CFAP70: variants seen among roughly 807,000 people sequenced by gnomAD.
CFAP70 encodes the protein cilia and flagella associated protein 70, also known as cilia- and flagella-associated protein 70.
Under a neutral mutation model 137.6 loss-of-function variants are expected in CFAP70, and 81 were observed. That is an observed-to-expected ratio of 0.59 (90% CI 0.49 to 0.71). The LOEUF (loss-of-function observed/expected upper bound fraction) is 0.71. Among genes scored for constraint, CFAP70 ranks in the 30% least tolerant of loss-of-function variants. The pLI is 0.00. For missense variants in CFAP70, 976 were observed against 1,226.7 expected (o/e 0.80, Z 3.05); for synonymous variants, 382 against 423.6 (o/e 0.90, Z 1.20).
chr10:73,318,327 T>C (rs528415949), intron 9 of CFAP70, among the ~76,000 whole-genome samples: 5 of 152,328 alleles, frequency 3.3e-5, no homozygotes, highest in Admixed American at 3.3e-4. Context: ...GCCAGAGATA[T>C]TTCCTTTCCA....
chr10:73,357,337 A>C (rs547039089), intron 1 of CFAP70, among the ~76,000 whole-genome samples: 8 of 152,214 alleles, frequency 5.3e-5, no homozygotes, highest in Non-Finnish European at 1.0e-4. Context: ...GCTGGATTTG[A>C]GAATACATAT....
chr10:73,337,371 C>T (rs2052771897), intron 6 of CFAP70, among the ~76,000 whole-genome samples: 1 of 152,026 alleles, frequency 6.6e-6, no homozygotes, highest in African/African-American at 2.4e-5. Flanking sequence ...GTAATCTCAG[C>T]TATTCAGGTG....
intron 19 of CFAP70, among the ~76,000 whole-genome samples, chr10:73,288,628 G>A (rs1056972425): frequency 6.6e-6 from 1 of 152,130 alleles, no homozygotes; most frequent in Non-Finnish European, 1.5e-5. Flanking sequence ...CTGACCCCTT[G>A]GTAGGACAGT....
intron 25 of CFAP70, among the ~76,000 whole-genome samples, chr10:73,262,066 T>C (rs2045305263): frequency 7.0e-6 from 1 of 143,428 alleles, no homozygotes; most frequent in African/African-American, 2.6e-5. Context: ...TATATGTATA[T>C]ATGTATATAT....
intron 25 of CFAP70, among the ~76,000 whole-genome samples, chr10:73,260,809 G>T (rs1300092225): frequency 1.3e-5 from 2 of 152,096 alleles, no homozygotes; most frequent in African/African-American, 4.8e-5. Flanking sequence ...TAACTGCTGA[G>T]TAGTACTCCA....
chr10:73,290,477 G>T (rs2048094749), intron 19 of CFAP70, among the ~76,000 whole-genome samples: 1 of 152,184 alleles, frequency 6.6e-6, no homozygotes, highest in Admixed American at 6.5e-5. Context: ...GTTGATTGTG[G>T]TGATGTTTTC....
At chr10:73,348,880 C>T (rs1343776557) in intron 3 of CFAP70, among the ~76,000 whole-genome samples, 1 of 151,718 alleles carries the variant, frequency 6.6e-6, no homozygotes, top group African/African-American at 2.4e-5. Context: ...CTGACAAACA[C>T]GGAGAAAACC....
At chr10:73,291,229 C>A (rs1171123456) in exon 19 of CFAP70, 5 of 1,613,910 alleles carry the variant, frequency 3.1e-6, no homozygotes, top group Non-Finnish European at 4.2e-6. Context: ...GCTCTACCTG[C>A]TGGGGCTTCC....
At chr10:73,288,241 G>A (rs1282836447) in intron 19 of CFAP70, among the ~76,000 whole-genome samples, 1 of 152,032 alleles carries the variant, frequency 6.6e-6, no homozygotes, top group Non-Finnish European at 1.5e-5. Flanking sequence ...TACTTTTGAA[G>A]CATGCGGGGG....
intron 22 of CFAP70, 177 bp from the exon 24 acceptor site, chr10:73,274,771 A>T (rs559435528): frequency 1.6e-6 from 1 of 608,250 alleles, no homozygotes; most frequent in South Asian, 2.6e-5. Context: ...TAATTGTACA[A>T]GGAGACATTT....
At chr10:73,260,164 G>A (rs1247324138) in intron 25 of CFAP70, among the ~76,000 whole-genome samples, 7 of 152,144 alleles carry the variant, frequency 4.6e-5, no homozygotes. Flanking sequence ...ACTAGCCTGG[G>A]CAACATAGTG....
intron 9 of CFAP70, among the ~76,000 whole-genome samples, chr10:73,319,623 G>T (rs934323631): frequency 6.6e-6 from 1 of 152,154 alleles, no homozygotes; most frequent in Non-Finnish European, 1.5e-5. Flanking sequence ...GTCAGGATTT[G>T]ATAATTTAGC....
At chr10:73,310,314 T>C (rs780963947) in intron 11 of CFAP70, 65 bp from the exon 13 acceptor site, 6 of 1,078,116 alleles carry the variant, frequency 5.6e-6, no homozygotes, top group South Asian at 2.8e-5. Flanking sequence ...TTTAGTAACA[T>C]AAGATGATGC....
At chr10:73,360,641 T>C (rs1275176120), upstream of CFAP70, among the ~76,000 whole-genome samples, 1 of 152,202 alleles carries the variant, frequency 6.6e-6, no homozygotes, top group East Asian at 1.9e-4. Context: ...TGAGAAATAT[T>C]TTTTGAAAGT....
At chr10:73,320,993 T>C (rs1054195781) in intron 9 of CFAP70, among the ~76,000 whole-genome samples, 1 of 152,254 alleles carries the variant, frequency 6.6e-6, no homozygotes, top group Non-Finnish European at 1.5e-5. Flanking sequence ...TTCATCATTT[T>C]TACTTACTAT....
chr10:73,334,737 G>A (rs1041986266), intron 7 of CFAP70, among the ~76,000 whole-genome samples: 1 of 151,798 alleles, frequency 6.6e-6, no homozygotes, highest in African/African-American at 2.4e-5. Context: ...GCACCACCAT[G>A]CCCAGCTAAT....
At chr10:73,329,032 C>T (rs1378735501) in intron 8 of CFAP70, among the ~76,000 whole-genome samples, 4 of 151,710 alleles carry the variant, frequency 2.6e-5, no homozygotes, top group Admixed American at 6.6e-5. Flanking sequence ...TATAAAGACA[C>T]ATGCACACAT....
At chr10:73,269,090 C>G (rs1214611112) in intron 25 of CFAP70, among the ~76,000 whole-genome samples, 1 of 152,116 alleles carries the variant, frequency 6.6e-6, no homozygotes, top group African/African-American at 2.4e-5. Flanking sequence ...ATACTCCCTG[C>G]CAATTTGGTG....
chr10:73,267,607 T>C (rs1399405906), intron 25 of CFAP70, among the ~76,000 whole-genome samples: 1 of 152,230 alleles, frequency 6.6e-6, no homozygotes, highest in Non-Finnish European at 1.5e-5. Context: ...GGGATCATTA[T>C]TATAAAAATC....
Sources: gnomAD v4.1 joint callset for allele counts (sites outside exome capture counted in the v4.1 genomes callset) on GRCh38, gnomAD v4.1.1 for gene constraint, MANE v1.5 for transcripts, NCBI Gene and HGNC (gene_info 2026-07-23, HGNC 2026-07-21) for gene names.